GNG2: variants seen among roughly 807,000 people sequenced by gnomAD.
The protein encoded by GNG2 is guanine nucleotide-binding protein G(I)/G(S)/G(O) subunit gamma-2.
A neutral mutation model predicts 5.5 loss-of-function variants in GNG2; 5 were observed. That is an observed-to-expected ratio of 0.91 (90% confidence interval 0.48 to 1.92). GNG2 has a LOEUF of 1.92. Ranked by LOEUF, GNG2 falls within the 30% of genes most tolerant of loss-of-function variation. GNG2 has a pLI of 0.01. For synonymous variants in GNG2, 28 were observed against 32.0 expected, an observed-to-expected ratio of 0.88 and a Z score of 0.42; for missense variants, 55 against 88.4, an observed-to-expected ratio of 0.62 and a Z score of 1.52.
intron 3 of GNG2, chr14:51,951,905 G>A (rs1354792900): frequency 1.4e-6 from 1 of 701,934 alleles, no homozygotes; most frequent in East Asian, 2.7e-5. Flanking sequence ...CTGACCCCTG[G>A]TCTACAGCGA....
chr14:51,863,060 G>A (rs972025358), intron 1 of GNG2, among the ~76,000 whole-genome samples: 1 of 151,506 alleles, frequency 6.6e-6, no homozygotes, highest in Non-Finnish European at 1.5e-5. Context: ...CCAGCCTTGG[G>A]CCTCATATGG....
intron 2 of GNG2, among the ~76,000 whole-genome samples, chr14:51,831,784 G>A (rs1007163650): frequency 4.6e-5 from 7 of 151,986 alleles, no homozygotes; most frequent in African/African-American, 9.7e-5. Context: ...AAAATAAATC[G>A]CAGTCTAACA....
chr14:51,925,694 C>T (rs1353678719), intron 2 of GNG2, among the ~76,000 whole-genome samples: 2 of 152,190 alleles, frequency 1.3e-5, no homozygotes, highest in African/African-American at 4.8e-5. Flanking sequence ...TTACTGCAAC[C>T]TCCGCCTCCC....
chr14:51,826,923 T>C (rs1186976939), intron 1 of GNG2, among the ~76,000 whole-genome samples: 1 of 152,230 alleles, frequency 6.6e-6, no homozygotes, highest in Non-Finnish European at 1.5e-5. Flanking sequence ...CCAGCCATGC[T>C]TGATGTCTAG....
intron 2 of GNG2, among the ~76,000 whole-genome samples, chr14:51,918,037 CAAA>C (rs34991244): frequency 0.011 from 1,047 of 93,878 alleles, 15 homozygotes; most frequent in African/African-American, 0.031. Flanking sequence ...AAAAACAAAC[CAAA>C]AAAAAAAAAA....
At chr14:51,915,404 C>T (rs1271422579) in intron 2 of GNG2, among the ~76,000 whole-genome samples, 1 of 152,110 alleles carries the variant, frequency 6.6e-6, no homozygotes, top group Non-Finnish European at 1.5e-5. Flanking sequence ...ACTGTTACTG[C>T]CCTAAATAGG....
chr14:51,905,897 C>A (rs1305995463), intron 2 of GNG2, among the ~76,000 whole-genome samples: 1 of 152,206 alleles, frequency 6.6e-6, no homozygotes, highest in Non-Finnish European at 1.5e-5. Context: ...TGTTTGCTTC[C>A]ACTTATGCCG....
At chr14:51,959,680 A>G (rs1186530215) in intron 3 of GNG2, among the ~76,000 whole-genome samples, 1 of 151,966 alleles carries the variant, frequency 6.6e-6, no homozygotes, top group Middle Eastern at 3.4e-3. Flanking sequence ...ATGTAAGTCA[A>G]TGGGTCACCA....
chr14:51,938,711 G>A (rs1352720885), intron 2 of GNG2, among the ~76,000 whole-genome samples: 2 of 152,138 alleles, frequency 1.3e-5, no homozygotes, highest in Admixed American at 6.5e-5. Context: ...TCACACAAGG[G>A]GGTGGAAGAG....
intron 1 of GNG2, among the ~76,000 whole-genome samples, chr14:51,877,408 A>G (rs541443129): frequency 6.6e-6 from 1 of 152,294 alleles, no homozygotes; most frequent in African/African-American, 2.4e-5. Flanking sequence ...CCAATTTCAC[A>G]AATCTATTTC....
intron 2 of GNG2, among the ~76,000 whole-genome samples, chr14:51,936,203 G>A (rs1365873180): frequency 1.3e-5 from 2 of 152,166 alleles, no homozygotes; most frequent in Non-Finnish European, 2.9e-5. Context: ...GGTTATAAAA[G>A]GGATTTCTGT....
At chr14:51,866,966 A>G (rs563092293) in intron 1 of GNG2, among the ~76,000 whole-genome samples, 2 of 152,148 alleles carry the variant, frequency 1.3e-5, no homozygotes, top group South Asian at 2.1e-4. Flanking sequence ...TTTACTTTCT[A>G]AGGGATTATG....
intron 3 of GNG2, among the ~76,000 whole-genome samples, chr14:51,953,980 T>C (rs1486656037): frequency 6.6e-6 from 1 of 152,084 alleles, no homozygotes; most frequent in Non-Finnish European, 1.5e-5. Context: ...ATAGGACTCT[T>C]AAGAGGAGGA....
At chr14:51,856,921 G>A (rs1882189087), upstream of GNG2, among the ~76,000 whole-genome samples, 1 of 152,148 alleles carries the variant, frequency 6.6e-6, no homozygotes, top group Non-Finnish European at 1.5e-5. Flanking sequence ...TAGAGAGGGA[G>A]GGATTTTATT....
chr14:51,915,103 A>G (rs1886536381), intron 2 of GNG2, among the ~76,000 whole-genome samples: 1 of 152,234 alleles, frequency 6.6e-6, no homozygotes, highest in Non-Finnish European at 1.5e-5. Context: ...TTCAGCTACT[A>G]AGAGATGTTG....
Position 51,827,705 on chromosome 14 carries a change from G to C in GNG2, c.-39G>C, listed in dbSNP as rs771472477. On this transcript the variant is annotated 5_prime_UTR_variant, in exon 2 of 4. Coordinates refer to the GNG2 transcript ENST00000553432. ...TGGAAAAGCAGCACCGTGGAGCTGG[G>C]TGATTCCTGAGCCCAACCTGTGCCT... 10 of 702,298 alleles carry C rather than the reference G, an allele frequency of 1.4e-5. No individual in the cohort carries two copies. The South Asian group carries it at 1.5e-4, about 10-fold the overall frequency. 43.5% of individuals were successfully genotyped at this position (702,298 alleles called of 1,614,324 possible).
intron 2 of GNG2, among the ~76,000 whole-genome samples, chr14:51,846,880 C>T (rs942971114): frequency 2.0e-5 from 3 of 152,210 alleles, no homozygotes; most frequent in African/African-American, 7.2e-5. Flanking sequence ...AATCCTTTGT[C>T]TTTTCAAACA....
At chr14:51,961,479 G>A (rs1435080041) in intron 3 of GNG2, among the ~76,000 whole-genome samples, 1 of 152,180 alleles carries the variant, frequency 6.6e-6, no homozygotes, top group Non-Finnish European at 1.5e-5. Context: ...CACAGGTGTG[G>A]TTCCTGCCTT....
chr14:51,878,779 G>C (rs1035416843), intron 2 of GNG2, among the ~76,000 whole-genome samples: 1 of 152,178 alleles, frequency 6.6e-6, no homozygotes, highest in African/African-American at 2.4e-5. Flanking sequence ...CTGCCCTATA[G>C]TCAAGTTCTT....
Sources: allele counts gnomAD v4.1 joint callset (sites outside exome capture counted in the v4.1 genomes callset), GRCh38; gene constraint gnomAD v4.1.1; transcripts MANE v1.5; gene names NCBI Gene and HGNC (gene_info 2026-07-23, HGNC 2026-07-21).